LHCGR: variants seen among roughly 807,000 people sequenced by gnomAD.
LHCGR encodes the protein lutropin-choriogonadotropic hormone receptor.
A neutral mutation model predicts 60.7 loss-of-function variants in LHCGR; 55 were observed. The ratio of observed to expected loss-of-function variants is 0.91; its 90% CI spans 0.73 to 1.13. LHCGR has a LOEUF of 1.13. LHCGR is among the 50% of genes most tolerant of loss of function. The pLI is 0.00. For missense variants in LHCGR, 862 were observed against 836.0 expected (o/e 1.03, Z -0.38); for synonymous variants, 337 against 316.5 (o/e 1.06, Z -0.69).
At chr2:48,755,347 T>G (rs1020515685) in intron 1 of LHCGR, among the ~76,000 whole-genome samples, 164 bp downstream of exon 1, 5 of 151,940 alleles carry the variant, frequency 3.3e-5, no homozygotes, top group Non-Finnish European at 7.4e-5. Context: ...ACCACCAAGT[T>G]TTGGGTTCTC....
At chr2:48,753,177 T>C (rs975807648) in intron 1 of LHCGR, among the ~76,000 whole-genome samples, 1 of 152,144 alleles carries the variant, frequency 6.6e-6, no homozygotes, top group Non-Finnish European at 1.5e-5. Context: ...TTCAGTAGGT[T>C]GGGGCTGAGG....
intron 1 of LHCGR, among the ~76,000 whole-genome samples, chr2:48,738,302 A>T (rs908835724): frequency 6.6e-6 from 1 of 152,142 alleles, no homozygotes; most frequent in African/African-American, 2.4e-5. Context: ...CTCCCATCGA[A>T]CACCCAGTCT....
intron 10 of LHCGR, among the ~76,000 whole-genome samples, chr2:48,692,555 C>T (rs1666904787): frequency 6.6e-6 from 1 of 152,162 alleles, no homozygotes; most frequent in African/African-American, 2.4e-5. Context: ...ACAGAGCTGT[C>T]TTTAGTATTA....
intron 10 of LHCGR, among the ~76,000 whole-genome samples, chr2:48,691,051 C>T (rs750989109): frequency 6.6e-6 from 1 of 152,196 alleles, no homozygotes; most frequent in Non-Finnish European, 1.5e-5. Context: ...TTTTACCCAT[C>T]TTCTGCTAAT....
Position 48,755,613 on chromosome 2 carries a change from GGCGGCTGCAGCAGCAGCAGCAGCTTCA to G in LHCGR, c.32_58del (p.Leu11_Pro19del). ...CGCCTCGCGCAGCGCTCGTGGCAGC[GGCGGCTGCAGCAGCAGCAGCAGCTTCA>G]GCAGCTGCAGCGCCGAGAACCGCTG... On this transcript the variant is annotated inframe_deletion, in exon 1 of 11. Transcript: ENST00000294954. 1 of 1,408,624 alleles carries G rather than the reference GGCGGCTGCAGCAGCAGCAGCAGCTTCA, an allele frequency of 7.1e-7. No individual in the cohort carries two copies. The highest frequency in any genetic ancestry group is 9.7e-7 in the Non-Finnish European group (1 of 1,032,450). The allele number at this position is 1,408,624 out of a possible 1,614,324, so 87.3% of individuals were successfully genotyped here. A position where few individuals can be genotyped will look rare whatever the true frequency, so the allele number is the denominator to read the frequency against.
At chr2:48,721,261 C>T (rs1198866509) in intron 6 of LHCGR, 1 of 157,786 alleles carries the variant, frequency 6.3e-6, no homozygotes, top group Non-Finnish European at 1.4e-5. Flanking sequence ...TGTTGAATAC[C>T]TTGTTTTTGG....
intron 1 of LHCGR, among the ~76,000 whole-genome samples, chr2:48,751,271 A>T (rs1193750723): frequency 6.6e-6 from 1 of 152,114 alleles, no homozygotes; most frequent in Non-Finnish European, 1.5e-5. Context: ...TTCTTTTTGC[A>T]CAACGTCTGA....
At position 48,709,881 on chromosome 2, in the gene LHCGR, G is replaced by T. The variant is rs541672392; in HGVS notation, c.606-859C>A. 2.6e-5 allele frequency among the ~76,000 whole-genome samples: 4 copies of T among 152,246 alleles called. No individual in the cohort carries two copies. The South Asian group carries it at 8.3e-4, about 32-fold the overall frequency. Reference sequence around the variant, plus strand: ...AGGGAGCTAGAAGAGGAATCCCTGGGCTCAAGTCTGCCAGCCTTCTTTTGA... The same window carrying T: ...AGGGAGCTAGAAGAGGAATCCCTGGTCTCAAGTCTGCCAGCCTTCTTTTGA... On this transcript the variant is annotated intron_variant, in intron 7 of 10. Transcript: ENST00000294954.
chr2:48,689,090 T>TATATACACACATATATACAC (rs1680064361), intron 10 of LHCGR, among the ~76,000 whole-genome samples: 1 of 151,342 alleles, frequency 6.6e-6, no homozygotes, highest in Non-Finnish European at 1.5e-5. Context: ...TATACACACA[T>TATATACACACATATATACAC]ATATATACAT....
At chr2:48,698,473 T>G (rs1297427498) in intron 9 of LHCGR, 142 bp downstream of exon 9, 5 of 692,682 alleles carry the variant, frequency 7.2e-6, no homozygotes, top group Non-Finnish European at 1.3e-5. Context: ...TCTTCTTGTC[T>G]ATTTGAAAGT....
rs1412172123 is a variant in LHCGR at position 48,752,979 on chromosome 2, G to A, written c.161+2532C>T. Among the ~76,000 whole-genome samples the A allele has an allele frequency of 5.2e-5, 5 of 96,196 alleles. 1 individual carries two copies. The highest frequency in any genetic ancestry group is 8.6e-5 in the Non-Finnish European group (4 of 46,444). 63.1% of individuals were successfully genotyped at this position (96,196 alleles called of 152,430 possible). On this transcript the variant is annotated intron_variant, in intron 1 of 10. Transcript: ENST00000294954. Reference sequence around the variant, plus strand: ...ATAAATAGGTGTTATGCCGGATTTTGGCGGGGGGGGGGGGGGGTGGGGAAG... The same window carrying A: ...ATAAATAGGTGTTATGCCGGATTTTAGCGGGGGGGGGGGGGGGTGGGGAAG...
chr2:48,729,030 A>G, intron 3 of LHCGR, 123 bp downstream of exon 3: 1 of 826,256 alleles, frequency 1.2e-6, no homozygotes, highest in Non-Finnish European at 2.1e-6. Context: ...CAGACCTAGT[A>G]ATTGCTGTAG....
intron 8 of LHCGR, among the ~76,000 whole-genome samples, chr2:48,708,516 C>T (rs527991717): frequency 6.6e-6 from 1 of 150,848 alleles, no homozygotes; most frequent in African/African-American, 2.4e-5. Context: ...GACTGCTATT[C>T]TTATTAAAAG....
intron 10 of LHCGR, among the ~76,000 whole-genome samples, chr2:48,692,538 G>A (rs1389905147): frequency 1.3e-5 from 2 of 152,186 alleles, no homozygotes; most frequent in African/African-American, 4.8e-5. Flanking sequence ...TATTGACAAA[G>A]CCCAGCACAG....
intron 9 of LHCGR, among the ~76,000 whole-genome samples, chr2:48,695,086 A>G (rs756081769): frequency 1.6e-4 from 25 of 152,180 alleles, no homozygotes; most frequent in Non-Finnish European, 2.5e-4. Context: ...GCCAATAAGC[A>G]TATGAAAAAA....
At position 48,688,237 on chromosome 2, in the gene LHCGR, T is replaced by G; in HGVS notation, c.1560A>C (p.Glu520Asp). ...KVSICFPMDVETTLSQVYILT... is the reference protein window; with the variant it reads ...KVSICFPMDVDTTLSQVYILT... ...ATATATAGACTTGTGAGAGAGTGGT[T>G]TCCACATCCATGGGGAAGCAAATAC... The change falls in exon 11 of 11, where the codon GAA (glutamate) becomes GAC (aspartate). Residue 520 changes from glutamate (E) to aspartate (D), a missense_variant. Transcript: ENST00000294954. The surrounding 1 kb of genome is among the most constrained non-coding windows in gnomAD (Gnocchi z 5.2). 3 of 1,614,162 alleles carry G rather than the reference T, an allele frequency of 1.9e-6. No individual in the cohort carries two copies. The highest frequency in any genetic ancestry group is 2.5e-6 in the Non-Finnish European group (3 of 1,180,034).
At chr2:48,706,085 C>T (rs1322599882) in intron 8 of LHCGR, among the ~76,000 whole-genome samples, 2 of 152,122 alleles carry the variant, frequency 1.3e-5, no homozygotes, top group East Asian at 1.9e-4. Context: ...GTATGGCAGG[C>T]CTGGTGGTGA....
chr2:48,693,861 T>TA (rs1666982484), intron 10 of LHCGR, among the ~76,000 whole-genome samples: 2 of 152,218 alleles, frequency 1.3e-5, no homozygotes, highest in South Asian at 4.1e-4. Context: ...TGCAATTAGT[T>TA]AATCTTTGTG....
chr2:48,743,376 C>T (rs1404895417), intron 1 of LHCGR, among the ~76,000 whole-genome samples: 1 of 152,146 alleles, frequency 6.6e-6, no homozygotes, highest in African/African-American at 2.4e-5. Context: ...CAAAGCTGGG[C>T]AGAGACACAA....
Sources: allele counts gnomAD v4.1 joint callset (sites outside exome capture counted in the v4.1 genomes callset), GRCh38; gene constraint gnomAD v4.1.1; non-coding constraint Gnocchi (gnomAD v3.1); transcripts MANE v1.5; gene names NCBI Gene and HGNC (gene_info 2026-07-23, HGNC 2026-07-21).